KIAA0586: variants seen among roughly 807,000 people sequenced by gnomAD.
KIAA0586 encodes the protein KIAA0586.
Under a neutral mutation model 169.8 loss-of-function variants are expected in KIAA0586, and 144 were observed. The observed-to-expected ratio is 0.85, with a 90% CI of 0.74 to 0.97. The LOEUF is 0.97. Among genes scored for constraint, KIAA0586 ranks in the 50% least tolerant of loss-of-function variants. The pLI is 0.00. For missense variants in KIAA0586, 1,854 were observed against 1,823.0 expected (o/e 1.02, Z -0.31); for synonymous variants, 625 against 612.4 (o/e 1.02, Z -0.30).
Position 58,482,528 on chromosome 14 carries a change from G to A in KIAA0586, c.2960G>A (p.Ser987Asn), listed in dbSNP as rs751370112. Residue 987 changes from serine (S) to asparagine (N), a missense_variant, in exon 21 of 31, where the codon AGT becomes AAT. Coordinates refer to ENST00000652326, the MANE Select transcript of KIAA0586 (RefSeq NM_001329943.3). ...TTACTTTTAGTGGAAGGAACAAGCA[G>A]TGGCGCCCTCCAGCTTTTTGTTGAT... ...LTSDIVEGTS[S>N]GALQLFVDAG... The A allele has an allele frequency of 3.9e-6, 6 of 1,539,244 alleles. No individual in the cohort carries two copies. The highest frequency in any genetic ancestry group is 5.3e-6 in the Non-Finnish European group (6 of 1,139,590).
chr14:58,554,506 A>G (rs1240114125), downstream of KIAA0586, among the ~76,000 whole-genome samples: 1 of 152,198 alleles, frequency 6.6e-6, no homozygotes, highest in South Asian at 2.1e-4. Context: ...GACAAAAAAT[A>G]GTTCTTGGTA....
intron 29 of KIAA0586, among the ~76,000 whole-genome samples, chr14:58,526,830 A>G (rs2045615241): frequency 6.6e-6 from 1 of 152,164 alleles, no homozygotes; most frequent in South Asian, 2.1e-4. Flanking sequence ...AGAAAGCTGG[A>G]CTGTAATTTC....
At chr14:58,541,524 CAG>C (rs2046634863) in intron 30 of KIAA0586, among the ~76,000 whole-genome samples, 1 of 152,158 alleles carries the variant, frequency 6.6e-6, no homozygotes, top group Non-Finnish European at 1.5e-5. Flanking sequence ...CAGAATAAGA[CAG>C]CCACAATTAA....
intron 21 of KIAA0586, among the ~76,000 whole-genome samples, chr14:58,483,483 A>C (rs963016340): frequency 6.6e-6 from 1 of 152,130 alleles, no homozygotes; most frequent in Non-Finnish European, 1.5e-5. Flanking sequence ...ACACCCCCCC[A>C]GATTTAACAT....
chr14:58,461,441 TA>T (rs1485715023), intron 14 of KIAA0586, among the ~76,000 whole-genome samples: 1 of 152,054 alleles, frequency 6.6e-6, no homozygotes, highest in Non-Finnish European at 1.5e-5. Flanking sequence ...ATTTTTTTTT[TA>T]ATTTTTTTTT....
chr14:58,442,949 C>A (rs1009991695), intron 5 of KIAA0586, 69 bp downstream of exon 5: 3 of 1,134,098 alleles, frequency 2.6e-6, no homozygotes, highest in Non-Finnish European at 2.5e-6. Context: ...AGAACTGATT[C>A]TATAAATGGT....
chr14:58,450,475 T>A, intron 7 of KIAA0586, 104 bp from the exon 8 acceptor site: 1 of 667,068 alleles, frequency 1.5e-6, no homozygotes, highest in Non-Finnish European at 2.6e-6. Context: ...TGTTCATCAT[T>A]TATAATTTTG....
intron 12 of KIAA0586, among the ~76,000 whole-genome samples, chr14:58,459,351 T>G (rs548839508): frequency 6.8e-4 from 103 of 152,332 alleles, no homozygotes; most frequent in African/African-American, 2.4e-3. Flanking sequence ...TCAGAAGATT[T>G]GGAGTCTAGT....
chr14:58,519,077 A>G (rs2044987852), intron 29 of KIAA0586, among the ~76,000 whole-genome samples: 1 of 152,252 alleles, frequency 6.6e-6, no homozygotes, highest in African/African-American at 2.4e-5. Flanking sequence ...GGTTGCAGTG[A>G]GCTGAGATCG....
At chr14:58,508,518 CTTTAT>C (rs1460297342) in intron 27 of KIAA0586, 32 bp from the exon 28 acceptor site, 10 of 1,465,472 alleles carry the variant, frequency 6.8e-6, no homozygotes, top group South Asian at 1.3e-5. Context: ...AAATTTAACA[CTTTAT>C]TTTAACTTTT....
intron 29 of KIAA0586, among the ~76,000 whole-genome samples, chr14:58,513,579 CT>C (rs796280532): frequency 0.045 from 6,487 of 143,648 alleles, 390 homozygotes; most frequent in African/African-American, 0.15. Flanking sequence ...CCTCCTGACC[CT>C]TTTTTTTTTT....
intron 18 of KIAA0586, among the ~76,000 whole-genome samples, chr14:58,474,294 A>G (rs940092696): frequency 3.9e-5 from 6 of 152,226 alleles, no homozygotes; most frequent in Non-Finnish European, 8.8e-5. Flanking sequence ...AACGATAATT[A>G]TTAAGCATAC....
intron 4 of KIAA0586, among the ~76,000 whole-genome samples, chr14:58,434,393 G>C (rs2037636833): frequency 1.3e-5 from 2 of 152,080 alleles, no homozygotes; most frequent in South Asian, 4.1e-4. Flanking sequence ...CCTTCAAAGA[G>C]CAATCTCCAA....
chr14:58,458,040 T>G lies in KIAA0586; in HGVS notation c.1583+61T>G, dbSNP rs533863203. ...TCTGTCAGTTCCACTTTCTTCATAA[T>G]TTTTTTCTAAGCACTGTATTTTCCT... On this transcript the variant is annotated intron_variant, in intron 11 of 30. Transcript: ENST00000652326. 8 of 1,133,452 alleles carry G rather than the reference T, an allele frequency of 7.1e-6. No individual in the cohort carries two copies. In the Admixed American group the frequency reaches 1.5e-4, roughly 21 times the overall value. The allele number at this position is 1,133,452 out of a possible 1,614,324, so 70.2% of individuals were successfully genotyped here.
At chr14:58,458,026 C>A in intron 11 of KIAA0586, 47 bp downstream of exon 11, 2 of 1,231,528 alleles carry the variant, frequency 1.6e-6, no homozygotes, top group Non-Finnish European at 2.3e-6. Flanking sequence ...CTGTCAGTTC[C>A]ACTTTCTTCA....
chr14:58,472,119 A>G (rs2041265527), intron 17 of KIAA0586, 80 bp from the exon 18 acceptor site: 1 of 634,354 alleles, frequency 1.6e-6, no homozygotes, highest in East Asian at 3.2e-5. Flanking sequence ...AGCTTATACT[A>G]TAGGTGGAAA....
intron 29 of KIAA0586, among the ~76,000 whole-genome samples, chr14:58,516,552 A>T (rs759920192): frequency 2.4e-4 from 36 of 152,200 alleles, no homozygotes; most frequent in Non-Finnish European, 3.8e-4. Context: ...GACAAGGCAG[A>T]ATTTAAAATG....
chr14:58,531,337 A>G (rs56304921), intron 29 of KIAA0586, among the ~76,000 whole-genome samples: 1 of 147,378 alleles, frequency 6.8e-6, no homozygotes, highest in Admixed American at 6.6e-5. Flanking sequence ...AAAAAAAAAA[A>G]AAAATAAAAT....
At chr14:58,525,236 T>C (rs1165867325) in intron 29 of KIAA0586, among the ~76,000 whole-genome samples, 1 of 151,954 alleles carries the variant, frequency 6.6e-6, no homozygotes, top group Non-Finnish European at 1.5e-5. Context: ...TATTTAAGAT[T>C]ATATGTATAA....
Sources: allele counts gnomAD v4.1 joint callset (sites outside exome capture counted in the v4.1 genomes callset), GRCh38; gene constraint gnomAD v4.1.1; transcripts MANE v1.5; gene names NCBI Gene and HGNC (gene_info 2026-07-23, HGNC 2026-07-21).